TBC1D1: variants seen among roughly 807,000 people sequenced by gnomAD.
TBC1D1 encodes TBC1 domain family member 1.
Under a neutral mutation model 125.6 loss-of-function variants are expected in TBC1D1, and 89 were observed. The observed-to-expected ratio is 0.71, with a 90% CI of 0.60 to 0.85. The LOEUF (loss-of-function observed/expected upper bound fraction) is 0.85, where lower values mean the gene tolerates loss of function less well. Ranked by LOEUF, TBC1D1 falls within the 40% of genes least tolerant of loss-of-function variation. TBC1D1 has a pLI of 0.00. For missense variants in TBC1D1, 1,377 were observed against 1,469.2 expected (o/e 0.94, Z 1.03); for synonymous variants, 565 against 564.1 (o/e 1.00, Z -0.02).
intron 2 of TBC1D1, among the ~76,000 whole-genome samples, chr4:37,990,033 G>A (rs1736233404): frequency 6.6e-6 from 1 of 152,228 alleles, no homozygotes; most frequent in African/African-American, 2.4e-5. Flanking sequence ...CAGAGAATTA[G>A]CCAAGTGGTA....
intron 2 of TBC1D1, among the ~76,000 whole-genome samples, chr4:37,911,049 G>A (rs894232900): frequency 6.6e-6 from 1 of 150,488 alleles, no homozygotes; most frequent in Non-Finnish European, 1.5e-5. Flanking sequence ...TGTTAGCCAT[G>A]GACTAGACTA....
At chr4:38,008,616 T>G (rs1171293163) in intron 2 of TBC1D1, among the ~76,000 whole-genome samples, 1 of 152,156 alleles carries the variant, frequency 6.6e-6, no homozygotes, top group Non-Finnish European at 1.5e-5. Context: ...TAACAGTCAT[T>G]AGCACTTCAC....
chr4:37,903,802 C>T (rs1716693949), intron 2 of TBC1D1, among the ~76,000 whole-genome samples: 1 of 152,046 alleles, frequency 6.6e-6, no homozygotes, highest in South Asian at 2.1e-4. Context: ...GGAATAGGAC[C>T]AGGTGATCTA....
intron 7 of TBC1D1, among the ~76,000 whole-genome samples, chr4:38,032,572 C>T (rs1280715427): frequency 2.0e-5 from 3 of 152,036 alleles, no homozygotes; most frequent in East Asian, 3.9e-4. Context: ...CAGTGGCTCA[C>T]GCCTGTAATC....
At chr4:38,039,866 C>G (rs1380594921) in intron 8 of TBC1D1, among the ~76,000 whole-genome samples, 1 of 151,984 alleles carries the variant, frequency 6.6e-6, no homozygotes, top group Non-Finnish European at 1.5e-5. Context: ...GTAATCCTAG[C>G]ACTTTGGGAG....
chr4:37,919,340 G>GTTTTT (rs60078358), intron 2 of TBC1D1, among the ~76,000 whole-genome samples: 14 of 140,954 alleles, frequency 9.9e-5, no homozygotes, highest in Middle Eastern at 3.6e-3. Flanking sequence ...GTTTGTTTTT[G>GTTTTT]TTTTTTTTTT....
intron 2 of TBC1D1, among the ~76,000 whole-genome samples, chr4:37,953,616 T>C (rs1728324743): frequency 6.6e-6 from 1 of 152,208 alleles, no homozygotes; most frequent in African/African-American, 2.4e-5. Flanking sequence ...AAAGCATATC[T>C]GGGAAAATGC....
intron 2 of TBC1D1, among the ~76,000 whole-genome samples, chr4:37,978,984 C>G (rs904129460): frequency 1.3e-5 from 2 of 152,206 alleles, no homozygotes; most frequent in East Asian, 3.8e-4. Flanking sequence ...TCAAGCGATT[C>G]TTGTGTCTCA....
At chr4:38,040,334 G>A (rs1381021935) in intron 8 of TBC1D1, among the ~76,000 whole-genome samples, 1 of 152,108 alleles carries the variant, frequency 6.6e-6, no homozygotes, top group African/African-American at 2.4e-5. Context: ...CTGTCGCCAG[G>A]CTAGAGTGCA....
chr4:37,935,504 C>T (rs1724203836), intron 2 of TBC1D1, among the ~76,000 whole-genome samples: 2 of 152,182 alleles, frequency 1.3e-5, no homozygotes, highest in South Asian at 2.1e-4. Flanking sequence ...TGATTGTATT[C>T]AATAAATGTT....
At chr4:37,928,251 A>G (rs1722520113) in intron 2 of TBC1D1, among the ~76,000 whole-genome samples, 1 of 152,256 alleles carries the variant, frequency 6.6e-6, no homozygotes, top group Non-Finnish European at 1.5e-5. Context: ...TCTGGAAGTC[A>G]GATACAATTT....
At chr4:38,040,326 G>A (rs1429398692) in intron 8 of TBC1D1, among the ~76,000 whole-genome samples, 1 of 152,086 alleles carries the variant, frequency 6.6e-6, no homozygotes, top group Non-Finnish European at 1.5e-5. Flanking sequence ...GTCTCGCTCT[G>A]TCGCCAGGCT....
In TBC1D1 at chr4:37,921,053, C is replaced by T. The variant is rs1484003701; in HGVS notation, c.417+18541C>T. ...CGAACCCAGGAGGCGAAGGTTGCAGCGAGCCGAGATCGCGCCACTGCACTC... is the reference window on the plus strand; with the variant it reads ...CGAACCCAGGAGGCGAAGGTTGCAGTGAGCCGAGATCGCGCCACTGCACTC... On this transcript the variant is annotated intron_variant, in intron 2 of 19. Transcript: ENST00000261439. Among the ~76,000 whole-genome samples the T allele has an allele frequency of 5.1e-5, 7 of 137,996 alleles. No homozygotes were observed. In the East Asian group the frequency reaches 6.7e-4, roughly 13 times the overall value. The allele number at this position is 137,996 out of a possible 152,430, so 90.5% of individuals were successfully genotyped here. A position where few individuals can be genotyped will look rare whatever the true frequency, so the allele number is the denominator to read the frequency against.
At chr4:38,129,083 C>T (rs912474667) in intron 18 of TBC1D1, among the ~76,000 whole-genome samples, 4 of 152,172 alleles carry the variant, frequency 2.6e-5, no homozygotes, top group South Asian at 2.1e-4. Flanking sequence ...GGGCCACACC[C>T]GAGACCTGCT....
At position 37,902,326 on chromosome 4, in the gene TBC1D1, T is replaced by C. The variant is rs1577757781; in HGVS notation, c.231T>C (p.Pro77=). The C allele has an allele frequency of 1.1e-5, 18 of 1,614,196 alleles. No individual in the cohort carries two copies. The East Asian group carries it at 4.0e-4, about 36-fold the overall frequency. ...CACCCTCTGGACTGAGATGTGAACC[T>C]GAGCCAGGGAGAAGTCAACAGTGGG... Residue 77 remains proline (P), a synonymous_variant, in exon 2 of 20, where the codon CCT becomes CCC. Transcript: ENST00000261439.
At chr4:38,120,831 G>T (rs1259375023) in intron 17 of TBC1D1, among the ~76,000 whole-genome samples, 1 of 152,000 alleles carries the variant, frequency 6.6e-6, no homozygotes, top group African/African-American at 2.4e-5. Flanking sequence ...ATCTACCTTT[G>T]GGGGAAGAAA....
chr4:38,012,184 A>T (rs1741649249), intron 2 of TBC1D1, among the ~76,000 whole-genome samples: 1 of 152,224 alleles, frequency 6.6e-6, no homozygotes, highest in Admixed American at 6.5e-5. Context: ...TCTTGTATAA[A>T]TTGATTATTT....
chr4:37,925,822 G>A (rs1015914860), intron 2 of TBC1D1, among the ~76,000 whole-genome samples: 1 of 151,446 alleles, frequency 6.6e-6, no homozygotes, highest in Non-Finnish European at 1.5e-5. Flanking sequence ...TAAAAAAAAA[G>A]TTTAAAATAA....
chr4:38,078,939 G>A (rs79758329), intron 12 of TBC1D1, among the ~76,000 whole-genome samples: 3,711 of 152,274 alleles, frequency 0.024, 113 homozygotes, highest in African/African-American at 0.068. Context: ...CACTTTGTTA[G>A]GGGAGATTTG....
Sources: allele counts gnomAD v4.1 joint callset (sites outside exome capture counted in the v4.1 genomes callset), GRCh38; gene constraint gnomAD v4.1.1; transcripts MANE v1.5; gene names NCBI Gene and HGNC (gene_info 2026-07-23, HGNC 2026-07-21).